The following CEP83 variants were observed in gnomAD, a reference collection of about 807,000 sequenced individuals.
The protein encoded by CEP83 is centrosomal protein of 83 kDa.
In CEP83, 70 loss-of-function variants were observed where a neutral mutation model predicts 101.9. The observed-to-expected ratio is 0.69, with a 90% CI of 0.57 to 0.84. The LOEUF (loss-of-function observed/expected upper bound fraction) is 0.84. Among genes scored for constraint, CEP83 ranks in the 40% least tolerant of loss-of-function variants. The pLI, the probability that CEP83 is intolerant of heterozygous loss-of-function variation, is 0.00. For synonymous variants in CEP83, 264 were observed against 267.9 expected (o/e 0.99, Z 0.14); for missense variants, 715 against 787.2 (o/e 0.91, Z 1.10).
At chr12:94,309,443 T>G (rs1345575758) in intron 16 of CEP83, among the ~76,000 whole-genome samples, 1 of 152,188 alleles carries the variant, frequency 6.6e-6, no homozygotes, top group Non-Finnish European at 1.5e-5. Context: ...ACTTTGTCAC[T>G]TATTAGCTAT....
the CEP83 span, among the ~76,000 whole-genome samples, chr12:94,270,485 A>G: frequency 6.6e-6 from 1 of 152,160 alleles, no homozygotes; most frequent in African/African-American, 2.4e-5. Flanking sequence ...ACCCACAAAC[A>G]GGTTGGCCTC....
the CEP83 span, among the ~76,000 whole-genome samples, chr12:94,291,519 CTG>C: frequency 6.6e-6 from 1 of 152,198 alleles, no homozygotes; most frequent in East Asian, 1.9e-4. Flanking sequence ...TCATGAACCA[CTG>C]TGTCCAGCCA....
At chr12:94,279,785 G>A in the CEP83 span, 2 of 824,214 alleles carry the variant, frequency 2.4e-6, no homozygotes, top group South Asian at 1.4e-5. Flanking sequence ...TGTTCCTGGA[G>A]GGCATGTCTA....
intron 7 of CEP83, 35 bp downstream of exon 7, chr12:94,378,756 T>C (rs771708400): frequency 1.4e-5 from 23 of 1,603,778 alleles, no homozygotes; most frequent in Middle Eastern, 1.7e-4. Context: ...TAAAAAAGTA[T>C]GCCATACTCT....
chr12:94,423,611 G>A lies in CEP83; in HGVS notation c.-101-11020C>T, dbSNP rs1398082621. 7 of 1,542,936 alleles carry A rather than the reference G, an allele frequency of 4.5e-6. No individual in the cohort carries two copies. In the African/African-American group the frequency reaches 5.5e-5, roughly 12 times the overall value. ...TTCCAGGCCCAGGCCTGTGAAAAACGATGGCTAAGTGTTAGTCCTTAGCAG... is the reference window on the plus strand; with the variant it reads ...TTCCAGGCCCAGGCCTGTGAAAAACAATGGCTAAGTGTTAGTCCTTAGCAG... On this transcript the variant is annotated intron_variant, in intron 2 of 16. Coordinates refer to ENST00000397809, the MANE Select transcript of CEP83 (RefSeq NM_016122.3).
chr12:94,365,769 GAAAAAAAA>G (rs766001301), intron 11 of CEP83, among the ~76,000 whole-genome samples: 28 of 70,724 alleles, frequency 4.0e-4, no homozygotes, highest in Admixed American at 1.8e-3. Context: ...GACTGTGTTT[GAAAAAAAA>G]AAAAAAAAAA....
At chr12:94,357,785 C>G (rs530413251) in intron 11 of CEP83, among the ~76,000 whole-genome samples, 23 of 152,326 alleles carry the variant, frequency 1.5e-4, no homozygotes, top group Non-Finnish European at 3.4e-4. Flanking sequence ...GTCATTGATT[C>G]AGATTATAAT....
the CEP83 span, chr12:94,298,864 T>C: frequency 1.2e-5 from 17 of 1,392,522 alleles, no homozygotes; most frequent in African/African-American, 7.3e-5. Context: ...AAGAAAGACA[T>C]AGATAGTTAT....
chr12:94,376,610 T>C (rs888810934), intron 7 of CEP83, among the ~76,000 whole-genome samples: 6 of 151,364 alleles, frequency 4.0e-5, no homozygotes, highest in Admixed American at 3.3e-4. Flanking sequence ...GTAATATCGA[T>C]AGTACTCTTT....
At chr12:94,424,783 T>C in intron 2 of CEP83, 1 of 1,610,852 alleles carries the variant, frequency 6.2e-7, no homozygotes. Flanking sequence ...CTGGTTGCAA[T>C]CCTCGGATGT....
chr12:94,396,420 C>G (rs2062900411), intron 6 of CEP83, among the ~76,000 whole-genome samples: 1 of 151,230 alleles, frequency 6.6e-6, no homozygotes, highest in Non-Finnish European at 1.5e-5. Context: ...TCCAGAGTAG[C>G]TGGGACTACA....
At chr12:94,416,466 C>G (rs374637265) in intron 2 of CEP83, among the ~76,000 whole-genome samples, 2 of 151,702 alleles carry the variant, frequency 1.3e-5, no homozygotes, top group South Asian at 2.1e-4. Flanking sequence ...AACAAAAAAG[C>G]CTACTCTCTA....
chr12:94,276,708 T>C, the CEP83 span, among the ~76,000 whole-genome samples: 3 of 152,200 alleles, frequency 2.0e-5, no homozygotes, highest in Admixed American at 2.0e-4. Flanking sequence ...AGGGCTCGGG[T>C]GTGAGGCTTC....
chr12:94,332,857 G>T (rs1461663167), intron 13 of CEP83, among the ~76,000 whole-genome samples: 1 of 151,850 alleles, frequency 6.6e-6, no homozygotes, highest in Admixed American at 6.6e-5. Context: ...ATAATGTTTT[G>T]TAGATTAAAA....
chr12:94,307,642 A>G (rs1969194594), downstream of CEP83: 1 of 151,262 alleles, frequency 6.6e-6, no homozygotes, highest in Non-Finnish European at 1.5e-5. Context: ...TTAAATGTCT[A>G]TATCCAAAAA....
At chr12:94,404,572 T>G (rs1327154893) in intron 4 of CEP83, among the ~76,000 whole-genome samples, 2 of 152,106 alleles carry the variant, frequency 1.3e-5, no homozygotes, top group Non-Finnish European at 2.9e-5. Flanking sequence ...AAATGCCACC[T>G]TGGAGGGCTG....
chr12:94,305,358 T>TTA (rs1440002172), downstream of CEP83: 1 of 815,796 alleles, frequency 1.2e-6, no homozygotes, highest in Non-Finnish European at 2.0e-6. Context: ...CTTGAGCTAC[T>TTA]CTGTGTCGTT....
the CEP83 span, among the ~76,000 whole-genome samples, chr12:94,270,195 T>C: frequency 6.6e-6 from 1 of 152,222 alleles, no homozygotes; most frequent in African/African-American, 2.4e-5. Context: ...TAGCATTCCA[T>C]TTGAAGGTAC....
chr12:94,454,307 C>T (rs990372144), intron 1 of CEP83, among the ~76,000 whole-genome samples: 1 of 152,162 alleles, frequency 6.6e-6, no homozygotes, highest in African/African-American at 2.4e-5. Flanking sequence ...AGTATTTTCA[C>T]GTGTCCTTCA....
Sources: allele counts gnomAD v4.1 joint callset (sites outside exome capture counted in the v4.1 genomes callset), GRCh38; gene constraint gnomAD v4.1.1; transcripts MANE v1.5; gene names NCBI Gene and HGNC (gene_info 2026-07-23, HGNC 2026-07-21).